The following CAMK4 variants were observed in gnomAD, a reference collection of about 807,000 sequenced individuals.
The protein encoded by CAMK4 is calcium/calmodulin dependent protein kinase IV.
CAMK4 carries 22 observed loss-of-function variants against 44.9 expected under a neutral mutation model. The ratio of observed to expected loss-of-function variants is 0.49; its 90% CI spans 0.35 to 0.70. The LOEUF is 0.70. CAMK4 is among the 30% of genes least tolerant of loss of function. The probability of loss-of-function intolerance (pLI) is 0.01; values close to 1 mark genes in which losing one functional copy is unlikely to be tolerated. For synonymous variants in CAMK4, 218 were observed against 215.4 expected, an observed-to-expected ratio of 1.01 and a Z score of -0.11; for missense variants, 498 against 586.8, an observed-to-expected ratio of 0.85 and a Z score of 1.56.
intron 5 of CAMK4, among the ~76,000 whole-genome samples, chr5:111,413,120 G>A (rs915058494): frequency 6.6e-6 from 1 of 151,976 alleles, no homozygotes; most frequent in Non-Finnish European, 1.5e-5. Context: ...CTCAGTTTGG[G>A]GGCTTGCCTG....
intron 1 of CAMK4, among the ~76,000 whole-genome samples, chr5:111,263,239 A>C (rs1343215719): frequency 6.6e-6 from 1 of 152,234 alleles, no homozygotes. Context: ...TATATTTCAT[A>C]AATACAGCTG....
chr5:111,395,914 C>A (rs948193651), intron 5 of CAMK4, among the ~76,000 whole-genome samples: 5 of 152,152 alleles, frequency 3.3e-5, no homozygotes, highest in Middle Eastern at 3.4e-3. Flanking sequence ...TAAAATATAT[C>A]CAGAATTAAG....
chr5:111,270,361 A>G (rs1427539854), intron 1 of CAMK4, among the ~76,000 whole-genome samples: 1 of 152,102 alleles, frequency 6.6e-6, no homozygotes. Context: ...CACATTCAAC[A>G]ACTAAGCACC....
chr5:111,450,336 C>G (rs1270226098), intron 7 of CAMK4, among the ~76,000 whole-genome samples: 1 of 151,572 alleles, frequency 6.6e-6, no homozygotes, highest in Non-Finnish European at 1.5e-5. Context: ...TCTCTAAAAA[C>G]AAAAACAAAG....
chr5:111,387,374 A>G (rs746168072), intron 4 of CAMK4, among the ~76,000 whole-genome samples: 2 of 152,214 alleles, frequency 1.3e-5, no homozygotes, highest in Non-Finnish European at 2.9e-5. Flanking sequence ...TCACCTCATG[A>G]AACAAATACC....
chr5:111,421,554 G>A (rs1753032495), intron 5 of CAMK4, among the ~76,000 whole-genome samples: 1 of 152,098 alleles, frequency 6.6e-6, no homozygotes, highest in Admixed American at 6.6e-5. Context: ...CATCCAAGTG[G>A]AAAATTCCCC....
At chr5:111,302,381 TGTG>T (rs1194721991) in intron 1 of CAMK4, 1 of 147,932 alleles carries the variant, frequency 6.8e-6, no homozygotes, top group Non-Finnish European at 1.5e-5. Flanking sequence ...CAGGCCAGTG[TGTG>T]TGCGCACCGT....
At chr5:111,291,122 T>C (rs971578731) in intron 1 of CAMK4, among the ~76,000 whole-genome samples, 4 of 152,212 alleles carry the variant, frequency 2.6e-5, no homozygotes, top group Admixed American at 6.5e-5. Context: ...TGGATTTAAT[T>C]ATTGAATGTA....
chr5:111,494,710 A>T lies in CAMK4; in HGVS notation c.*10244A>T, dbSNP rs1270709894. On this transcript the variant is annotated 3_prime_UTR_variant, in exon 11 of 11. Coordinates refer to ENST00000282356, the MANE Select transcript of CAMK4 (RefSeq NM_001744.6). The stretch of plus-strand genomic sequence containing the variant: ...TGAAGAGTACGTGACATTATAAAAA[A>T]TGGGTGTTGGAAGACTAATTGTAGA... The T allele has an allele frequency of 6.6e-6, 1 of 152,104 alleles. No homozygotes were observed. Among genetic ancestry groups the T allele is most frequent in the Non-Finnish European group, 1.5e-5 (1 of 68,016 alleles). 9.4% of individuals were successfully genotyped at this position (152,104 alleles called of 1,614,324 possible).
intron 1 of CAMK4, among the ~76,000 whole-genome samples, chr5:111,226,115 G>A (rs1220688492): frequency 6.6e-6 from 1 of 152,176 alleles, no homozygotes; most frequent in African/African-American, 2.4e-5. Context: ...GGAAGTGCCT[G>A]ATGCTGCTGC....
chr5:111,437,649 C>G (rs774489534), intron 5 of CAMK4, among the ~76,000 whole-genome samples: 2 of 151,986 alleles, frequency 1.3e-5, no homozygotes, highest in Non-Finnish European at 2.9e-5. Flanking sequence ...TAGCTAAGTC[C>G]TGAGGATGAG....
intron 1 of CAMK4, among the ~76,000 whole-genome samples, chr5:111,233,421 C>CT (rs1438585913): frequency 6.6e-6 from 1 of 152,074 alleles, no homozygotes; most frequent in Non-Finnish European, 1.5e-5. Flanking sequence ...CCTCCTATTT[C>CT]TTTTTGTCTG....
At chr5:111,301,368 CAAAT>C (rs1428066982) in intron 1 of CAMK4, among the ~76,000 whole-genome samples, 4 of 152,060 alleles carry the variant, frequency 2.6e-5, no homozygotes, top group African/African-American at 7.2e-5. Context: ...CAGGAATTGA[CAAAT>C]AAAGAATAAT....
rs1331492441 is a variant in CAMK4 at position 111,412,916 on chromosome 5, G to A, written c.459+18134G>A. Among the ~76,000 whole-genome samples, 4 of 152,254 alleles carry A rather than the reference G, an allele frequency of 2.6e-5. No individual in the cohort carries two copies. The South Asian group carries it at 6.2e-4, about 24-fold the overall frequency. On this transcript the variant is annotated intron_variant, in intron 5 of 10. Coordinates refer to ENST00000282356, the MANE Select transcript of CAMK4 (RefSeq NM_001744.6). ...TTAATTTATATGTAATTAAAAGTGG[G>A]TAAAAGTATGACTGCAGAATTGCCT...
intron 5 of CAMK4, among the ~76,000 whole-genome samples, chr5:111,443,450 A>G (rs574758273): frequency 6.6e-6 from 1 of 150,620 alleles, no homozygotes; most frequent in Non-Finnish European, 1.5e-5. Context: ...TTTAAAAGCC[A>G]AGATCATGAC....
rs1755480681 is a variant in CAMK4, at chr5:111,482,855, T to C, written c.899T>C (p.Val300Ala). 6.2e-7 allele frequency: 1 copy of C among 1,613,096 alleles called. No homozygotes were observed. The highest frequency in any genetic ancestry group is 8.5e-7 in the Non-Finnish European group (1 of 1,179,628). The change falls in exon 10 of 11, where the codon GTC becomes GCC. Residue 300 changes from valine (V) to alanine (A), a missense_variant. By Grantham distance (64) the Val-to-Ala change is moderately conservative. Around this residue, in one of 3 missense-constraint regions of CAMK4, gnomAD observed 203 missense variants for 298.2 expected, o/e 0.68. Coordinates refer to ENST00000282356, the MANE Select transcript of CAMK4 (RefSeq NM_001744.6). The surrounding 1 kb of genome is among the most constrained non-coding windows in gnomAD (Gnocchi z 4.9). The part of the protein sequence containing the change: ...TTFQALQHPW[V>A]TGKAANFVHM... ...TTTCAAGCTCTCCAGCATCCGTGGG[T>C]CACAGGTAAAGCAGCCAATTTTGTA...
chr5:111,494,025 T>C lies in CAMK4; in HGVS notation c.*9559T>C, dbSNP rs1333492269. 1 of 152,202 alleles carries C rather than the reference T, an allele frequency of 6.6e-6. No individual in the cohort carries two copies. The allele number at this position is 152,202 out of a possible 1,614,324, so 9.4% of individuals were successfully genotyped here. A position where few individuals can be genotyped will look rare whatever the true frequency, so the allele number is the denominator to read the frequency against. On this transcript the variant is annotated 3_prime_UTR_variant, in exon 11 of 11. Coordinates refer to ENST00000282356, the MANE Select transcript of CAMK4 (RefSeq NM_001744.6). ...TTATGTGACATTATCTGGATGTGTT[T>C]TCTAGTCTTTCCTAAAGGAGAAATT...
rs185526095 is a variant in CAMK4, at chr5:111,293,033, G to C, written c.162-50991G>C. On this transcript the variant is annotated intron_variant, in intron 1 of 10. Transcript: ENST00000282356. Reference sequence around the variant, plus strand: ...AAGTGGGCAGGCTTCCTGTATTTGAGATAATTTTATATCGGAAGCATTGAC... The same window carrying C: ...AAGTGGGCAGGCTTCCTGTATTTGACATAATTTTATATCGGAAGCATTGAC... Among the ~76,000 whole-genome samples, 744 of 152,268 alleles carry C rather than the reference G, an allele frequency of 4.9e-3. 9 individuals are homozygous for C. Among genetic ancestry groups the C allele is most frequent in the Middle Eastern group, 6.8e-3 (2 of 294 alleles).
intron 1 of CAMK4, among the ~76,000 whole-genome samples, chr5:111,246,292 A>G (rs1749237093): frequency 6.6e-6 from 1 of 152,184 alleles, no homozygotes; most frequent in Non-Finnish European, 1.5e-5. Flanking sequence ...TCTACCCCCA[A>G]GAAGGGCTTT....
Sources: allele counts gnomAD v4.1 joint callset (sites outside exome capture counted in the v4.1 genomes callset), GRCh38; gene constraint gnomAD v4.1.1; regional missense constraint gnomAD v4.1.1; non-coding constraint Gnocchi (gnomAD v3.1); transcripts MANE v1.5; gene names NCBI Gene and HGNC (gene_info 2026-07-23, HGNC 2026-07-21).